Variants in SDK1 observed in about 807,000 individuals in gnomAD.
The protein encoded by SDK1 is sidekick cell adhesion molecule 1.
Under a neutral mutation model 245.5 loss-of-function variants are expected in SDK1, and 157 were observed. That is an observed-to-expected ratio of 0.64 (90% CI 0.56 to 0.73). The LOEUF (loss-of-function observed/expected upper bound fraction) is 0.73, where lower values mean the gene tolerates loss of function less well. SDK1 is among the 30% of genes least tolerant of loss of function. SDK1 has a pLI of 0.00. For synonymous variants in SDK1, 1,647 were observed against 1,278.5 expected, an observed-to-expected ratio of 1.29 and a Z score of -6.15; for missense variants, 3,583 against 3,002.3, an observed-to-expected ratio of 1.19 and a Z score of -4.52.
At chr7:3,974,695 T>G in intron 13 of SDK1, 150 bp downstream of exon 13, 1 of 629,500 alleles carries the variant, frequency 1.6e-6, no homozygotes, top group African/African-American at 1.8e-5. Context: ...TAACTACATA[T>G]ATGGACAAGG....
intron 13 of SDK1, among the ~76,000 whole-genome samples, chr7:3,975,796 G>A (rs1030347028): frequency 1.3e-5 from 2 of 152,370 alleles, no homozygotes; most frequent in Non-Finnish European, 2.9e-5. Flanking sequence ...TCTTTAGATA[G>A]CAGAGGTAAT....
intron 4 of SDK1, among the ~76,000 whole-genome samples, chr7:3,658,997 C>G (rs946870774): frequency 2.6e-5 from 4 of 152,080 alleles, no homozygotes; most frequent in South Asian, 2.1e-4. Flanking sequence ...ATCTTTCTTC[C>G]CACTTCTCAG....
At chr7:3,507,784 G>C (rs541672238) in intron 1 of SDK1, among the ~76,000 whole-genome samples, 1 of 152,090 alleles carries the variant, frequency 6.6e-6, no homozygotes, top group Admixed American at 6.5e-5. Flanking sequence ...TGGAATATGT[G>C]TTAGTCTCCC....
chr7:3,367,785 C>T (rs554978002), intron 1 of SDK1, among the ~76,000 whole-genome samples: 43 of 152,316 alleles, frequency 2.8e-4, no homozygotes, highest in African/African-American at 9.4e-4. Context: ...AGCCATGTAC[C>T]TCCAGGGAAT....
intron 4 of SDK1, among the ~76,000 whole-genome samples, chr7:3,786,851 C>A (rs982995419): frequency 6.6e-6 from 1 of 152,044 alleles, no homozygotes; most frequent in Non-Finnish European, 1.5e-5. Context: ...CCCTACAACT[C>A]CCTTTGGCTC....
chr7:4,116,582 G>T (rs917783202), intron 25 of SDK1, among the ~76,000 whole-genome samples: 3 of 152,234 alleles, frequency 2.0e-5, no homozygotes. Context: ...GGGTTGCAAT[G>T]CACAGAAGCC....
In SDK1 at chr7:4,250,775, T is replaced by C. The variant is rs190796963; in HGVS notation, c.6381+4970T>C. On this transcript the variant is annotated intron_variant, in intron 44 of 44. Coordinates refer to ENST00000404826, the MANE Select transcript of SDK1 (RefSeq NM_152744.4). ...ACCCCACTCTAGTCAGAATCTTCTT[T>C]TTAAAAAATGCTTTATTGAGTTATA... Among the ~76,000 whole-genome samples the C allele has an allele frequency of 5.9e-5, 9 of 152,354 alleles. No individual in the cohort carries two copies. The East Asian group carries it at 1.7e-3, about 29-fold the overall frequency.
rs186235985 is a variant in SDK1, at chr7:4,248,898, C to T, written c.6381+3093C>T. Among the ~76,000 whole-genome samples, 465 of 152,172 alleles carry T rather than the reference C, an allele frequency of 3.1e-3. 4 individuals are homozygous for T. The highest frequency in any genetic ancestry group is 0.011 in the African/African-American group (444 of 41,414). ...ATACCTAAATACAAGTACAAGCACA[C>T]ATGCATACCACCATGCACACATACA... On this transcript the variant is annotated intron_variant, in intron 44 of 44. Coordinates refer to ENST00000404826, the MANE Select transcript of SDK1 (RefSeq NM_152744.4).
intron 7 of SDK1, among the ~76,000 whole-genome samples, chr7:3,957,796 A>T (rs551901250): frequency 1.3e-5 from 2 of 152,356 alleles, no homozygotes; most frequent in East Asian, 3.9e-4. Flanking sequence ...AATGCTGGCA[A>T]TATTTCTTCA....
chr7:4,204,642 C>G (rs1784089716), intron 35 of SDK1, among the ~76,000 whole-genome samples: 1 of 152,146 alleles, frequency 6.6e-6, no homozygotes, highest in Admixed American at 6.5e-5. Flanking sequence ...TTTATCGTCT[C>G]CATCGATGGT....
intron 35 of SDK1, among the ~76,000 whole-genome samples, chr7:4,191,354 G>T (rs575804890): frequency 6.6e-6 from 1 of 152,224 alleles, no homozygotes; most frequent in African/African-American, 2.4e-5. Flanking sequence ...CCTTGGTGGC[G>T]GGCTGGTAGT....
intron 10 of SDK1, among the ~76,000 whole-genome samples, chr7:3,968,288 T>G (rs1782230482): frequency 6.6e-6 from 1 of 152,218 alleles, no homozygotes; most frequent in Non-Finnish European, 1.5e-5. Flanking sequence ...CATAGCCCGT[T>G]CCATGAGGGC....
intron 20 of SDK1, among the ~76,000 whole-genome samples, chr7:4,070,489 A>C (rs1370748548): frequency 1.3e-5 from 2 of 152,148 alleles, no homozygotes; most frequent in African/African-American, 2.4e-5. Flanking sequence ...CTGGGAGGTC[A>C]CTGCAGCATC....
intron 25 of SDK1, among the ~76,000 whole-genome samples, chr7:4,117,519 A>G (rs1439839748): frequency 6.6e-6 from 1 of 152,234 alleles, no homozygotes; most frequent in Non-Finnish European, 1.5e-5. Context: ...TAAGAAAAAC[A>G]GGGAAATCCT....
chr7:3,951,105 A>G (rs1780800434), intron 6 of SDK1, 71 bp downstream of exon 6: 1 of 1,151,624 alleles, frequency 8.7e-7, no homozygotes, highest in Non-Finnish European at 1.3e-6. Flanking sequence ...CGATAGAAGG[A>G]TACACTGGAG....
At chr7:4,241,716 TG>T in intron 42 of SDK1, 76 bp from the exon 43 acceptor site, 1 of 1,579,854 alleles carries the variant, frequency 6.3e-7, no homozygotes. Context: ...GCTGCCCCGC[TG>T]GCCAGCTCTG....
rs562041455 is a variant in SDK1 at position 3,740,288 on chromosome 7, A to G, written c.714-81162A>G. Among the ~76,000 whole-genome samples, 45 of 152,276 alleles carry G rather than the reference A, an allele frequency of 3.0e-4. No individual in the cohort carries two copies. The South Asian group carries it at 8.7e-3, about 29-fold the overall frequency. ...TTTCTGGACATGTGCTTAGCCCTGT[A>G]CATGTGTGTGACCTTCTGAATTTCC... On this transcript the variant is annotated intron_variant, in intron 4 of 44. Transcript: ENST00000404826.
Position 3,804,387 on chromosome 7 carries a change from C to G in SDK1, c.714-17063C>G, listed in dbSNP as rs139730225. Among the ~76,000 whole-genome samples the G allele has an allele frequency of 3.5e-3, 537 of 152,244 alleles. 4 individuals are homozygous for G. Among genetic ancestry groups the G allele is most frequent in the African/African-American group, 0.013 (520 of 41,542 alleles). ...TTGGTTTTTGCCCTTTGTAAAAAAT[C>G]TTTTGGCCCTACTGTTACGGGTCTC... On this transcript the variant is annotated intron_variant, in intron 4 of 44. Coordinates refer to ENST00000404826, the MANE Select transcript of SDK1 (RefSeq NM_152744.4).
At chr7:3,748,306 C>T (rs55690841) in intron 4 of SDK1, among the ~76,000 whole-genome samples, 6 of 152,098 alleles carry the variant, frequency 3.9e-5, no homozygotes, top group South Asian at 2.1e-4. Context: ...CTTTATTTCC[C>T]GGATTCTCTA....
Sources: allele counts gnomAD v4.1 joint callset (sites outside exome capture counted in the v4.1 genomes callset), GRCh38; gene constraint gnomAD v4.1.1; transcripts MANE v1.5; gene names NCBI Gene and HGNC (gene_info 2026-07-23, HGNC 2026-07-21).